Variants in ZNF710 observed in about 807,000 individuals in gnomAD.
The protein encoded by ZNF710 is zinc finger protein 710.
Under a neutral mutation model 50.6 loss-of-function variants are expected in ZNF710, and 13 were observed. That is an observed-to-expected ratio of 0.26 (90% CI 0.17 to 0.41). ZNF710 has a LOEUF of 0.41. Ranked by LOEUF, ZNF710 falls within the 10% of genes least tolerant of loss-of-function variation. The probability of loss-of-function intolerance (pLI) is 1.00; values close to 1 mark genes in which losing one functional copy is unlikely to be tolerated. For synonymous variants in ZNF710, 383 were observed against 397.0 expected (o/e 0.96, Z 0.42); for missense variants, 721 against 936.6 (o/e 0.77, Z 3.01).
intron 1 of ZNF710, among the ~76,000 whole-genome samples, chr15:90,038,299 G>A (rs1899190925): frequency 6.6e-6 from 1 of 152,178 alleles, no homozygotes; most frequent in Admixed American, 6.5e-5. Flanking sequence ...CACGTGGTGT[G>A]TTTCCTCCTA....
chr15:90,032,156 C>T (rs1898968070), intron 1 of ZNF710, among the ~76,000 whole-genome samples: 1 of 152,178 alleles, frequency 6.6e-6, no homozygotes, highest in South Asian at 2.1e-4. Context: ...TGCCACCACG[C>T]CTAGCTAATT....
chr15:90,015,656 C>A lies in ZNF710; in HGVS notation c.-29+14042C>A, dbSNP rs376529232. Among the ~76,000 whole-genome samples the A allele has an allele frequency of 2.0e-5, 3 of 148,688 alleles. No individual in the cohort carries two copies. The South Asian group carries it at 6.3e-4, about 31-fold the overall frequency. On this transcript the variant is annotated intron_variant, in intron 1 of 4. Coordinates refer to ENST00000268154, the MANE Select transcript of ZNF710 (RefSeq NM_198526.4). Reference sequence around the variant, plus strand: ...TGTCATCCAGGCTGGAGTGCAATGGCGCAGTCACAGCCCGCTGCAGCCTCG... The same window carrying A: ...TGTCATCCAGGCTGGAGTGCAATGGAGCAGTCACAGCCCGCTGCAGCCTCG...
chr15:90,038,484 C>A (rs562740084), intron 1 of ZNF710, among the ~76,000 whole-genome samples: 3 of 152,344 alleles, frequency 2.0e-5, no homozygotes, highest in African/African-American at 7.2e-5. Flanking sequence ...CAGCAGGTAT[C>A]TTTCAGGAGT....
rs1056414880 is a variant in ZNF710 at position 90,059,355 on chromosome 15, G to A, written c.-28-7755G>A. Among the ~76,000 whole-genome samples the A allele has an allele frequency of 6.6e-6, 1 of 152,254 alleles. No homozygotes were observed. The highest frequency in any genetic ancestry group is 1.5e-5 in the Non-Finnish European group (1 of 68,042). ...CGCCTACCAAAAGGCTGTGGGGGCT[G>A]CGGGGCCGGAGACCTGCATTCTAGC... On this transcript the variant is annotated intron_variant, in intron 1 of 4. Transcript: ENST00000268154. The surrounding 1 kb of genome is among the most constrained non-coding windows in gnomAD (Gnocchi z 4.1).
At chr15:90,041,483 G>A (rs563196548) in intron 1 of ZNF710, among the ~76,000 whole-genome samples, 1 of 152,172 alleles carries the variant, frequency 6.6e-6, no homozygotes, top group African/African-American at 2.4e-5. Flanking sequence ...TGAGCCACTG[G>A]GCCTGGCCAC....
At chr15:90,044,145 T>C (rs1183060781) in intron 1 of ZNF710, among the ~76,000 whole-genome samples, 1 of 152,150 alleles carries the variant, frequency 6.6e-6, no homozygotes. Context: ...GAAGGGTGTT[T>C]GGGGGTCTCC....
In ZNF710 at chr15:90,054,553, G is replaced by A. The variant is rs1298116697; in HGVS notation, c.-28-12557G>A. Among the ~76,000 whole-genome samples the A allele has an allele frequency of 6.6e-5, 10 of 152,332 alleles. No individual in the cohort carries two copies. In the East Asian group the frequency reaches 1.2e-3, roughly 18 times the overall value. On this transcript the variant is annotated intron_variant, in intron 1 of 4. Coordinates refer to ENST00000268154, the MANE Select transcript of ZNF710 (RefSeq NM_198526.4). ...TGCAGGGGACTGCCTCAGTTTCCACGTCTGTATAATGGAAATGGTACCCCC... is the reference window on the plus strand; with the variant it reads ...TGCAGGGGACTGCCTCAGTTTCCACATCTGTATAATGGAAATGGTACCCCC...
chr15:90,023,842 CA>C (rs1010058406), intron 1 of ZNF710, among the ~76,000 whole-genome samples: 45 of 152,182 alleles, frequency 3.0e-4, no homozygotes, highest in African/African-American at 9.6e-4. Flanking sequence ...ACCAAAAATA[CA>C]AAAAAATTAG....
chr15:90,027,022 G>A (rs1898800566), intron 1 of ZNF710, among the ~76,000 whole-genome samples: 1 of 152,100 alleles, frequency 6.6e-6, no homozygotes, highest in African/African-American at 2.4e-5. Flanking sequence ...TAGTCAACAT[G>A]ATAATACTGA....
intron 1 of ZNF710, among the ~76,000 whole-genome samples, chr15:90,018,294 G>T (rs2151471581): frequency 6.6e-6 from 1 of 151,206 alleles, no homozygotes; most frequent in South Asian, 2.1e-4. Context: ...TCAGCTTCCT[G>T]AATAGCTGGG....
At chr15:90,042,892 C>T (rs1899341725) in intron 1 of ZNF710, among the ~76,000 whole-genome samples, 1 of 152,202 alleles carries the variant, frequency 6.6e-6, no homozygotes, top group Admixed American at 6.5e-5. Flanking sequence ...TGCTGGTCGG[C>T]GGTGACCCGT....
At chr15:90,076,836 A>G (rs1456036738) in intron 4 of ZNF710, among the ~76,000 whole-genome samples, 1 of 152,052 alleles carries the variant, frequency 6.6e-6, no homozygotes, top group African/African-American at 2.4e-5. Context: ...AGATTTTTTA[A>G]AAAGACTGTC....
intron 1 of ZNF710, among the ~76,000 whole-genome samples, chr15:90,027,885 CA>C (rs1314835534): frequency 6.6e-6 from 1 of 151,130 alleles, no homozygotes; most frequent in Non-Finnish European, 1.5e-5. Context: ...AGACAATATG[CA>C]CAGACGATAT....
At chr15:90,061,973 T>G (rs1314344156) in intron 1 of ZNF710, among the ~76,000 whole-genome samples, 1 of 152,046 alleles carries the variant, frequency 6.6e-6, no homozygotes, top group Non-Finnish European at 1.5e-5. Flanking sequence ...GAAGGTCCCC[T>G]GCTGGCCCCC....
chr15:90,052,464 C>T (rs1899675623), intron 1 of ZNF710, among the ~76,000 whole-genome samples: 1 of 152,090 alleles, frequency 6.6e-6, no homozygotes, highest in African/African-American at 2.4e-5. Flanking sequence ...AAGGAGGACT[C>T]GGAGTGATGT....
rs1878226047 is a variant in ZNF710 at position 90,034,064 on chromosome 15, T to G, written c.-29+32450T>G. Among the ~76,000 whole-genome samples the G allele has an allele frequency of 6.6e-6, 1 of 151,862 alleles. No individual in the cohort carries two copies. Among genetic ancestry groups the G allele is most frequent in the African/African-American group, 2.4e-5 (1 of 41,318 alleles). ...TAAAAGTACAAAAATTAGCTGGGCG[T>G]GGTAGCAGCTGTAGTCCCAGCTACT... On this transcript the variant is annotated intron_variant, in intron 1 of 4. Coordinates refer to ENST00000268154, the MANE Select transcript of ZNF710 (RefSeq NM_198526.4). This position sits in a 1 kb window ranked among gnomAD's most constrained non-coding sequence, Gnocchi z 4.0.
rs1180654170 is a variant in ZNF710, at chr15:90,073,161, C to T, written c.1549C>T (p.Arg517Trp). The T allele has an allele frequency of 1.2e-6, 2 of 1,614,198 alleles. No individual in the cohort carries two copies. Among genetic ancestry groups the T allele is most frequent in the Admixed American group, 1.7e-5 (1 of 60,028 alleles). ...KRHMLIHTSV[R>W]PYQCHICFKT... ...GCACATGCTGATCCACACCAGCGTC[C>T]GGCCCTACCAGTGCCACATCTGCTT... The change falls in exon 3 of 5, where the codon CGG becomes TGG. Residue 517 changes from arginine (R) to tryptophan (W), a missense_variant. Physicochemically the swap from Arg to Trp is moderately radical, Grantham distance 101. Around this residue, in one of 3 missense-constraint regions of ZNF710, gnomAD observed 326 missense variants for 522.0 expected, o/e 0.62. Coordinates refer to ENST00000268154, the MANE Select transcript of ZNF710 (RefSeq NM_198526.4).
chr15:90,058,097 G>A (rs529169240), intron 1 of ZNF710, among the ~76,000 whole-genome samples: 47 of 152,228 alleles, frequency 3.1e-4, no homozygotes, highest in African/African-American at 1.0e-3. Flanking sequence ...AGGTGCACCC[G>A]GGCCTGGGGA....
intron 1 of ZNF710, among the ~76,000 whole-genome samples, chr15:90,047,744 G>A (rs553063441): frequency 1.3e-3 from 190 of 151,742 alleles, no homozygotes; most frequent in African/African-American, 4.4e-3. Context: ...CCACCGCACC[G>A]GGCTGATTTT....
Sources: allele counts gnomAD v4.1 joint callset (sites outside exome capture counted in the v4.1 genomes callset), GRCh38; gene constraint gnomAD v4.1.1; regional missense constraint gnomAD v4.1.1; non-coding constraint Gnocchi (gnomAD v3.1); transcripts MANE v1.5; gene names NCBI Gene and HGNC (gene_info 2026-07-23, HGNC 2026-07-21).